PGM2: variants seen among roughly 807,000 people sequenced by gnomAD.
The protein encoded by PGM2 is phosphopentomutase.
A neutral mutation model predicts 74.6 loss-of-function variants in PGM2; 57 were observed. The ratio of observed to expected loss-of-function variants is 0.76; its 90% CI spans 0.62 to 0.95. PGM2 has a LOEUF of 0.95. Ranked by LOEUF, PGM2 falls within the 40% of genes least tolerant of loss-of-function variation. The pLI, the probability that PGM2 is intolerant of heterozygous loss-of-function variation, is 0.00. For missense variants in PGM2, 706 were observed against 741.9 expected, an observed-to-expected ratio of 0.95 and a Z score of 0.56; for synonymous variants, 273 against 260.7, an observed-to-expected ratio of 1.05 and a Z score of -0.46.
At chr4:37,844,308 G>C in intron 6 of PGM2, 56 bp from the exon 7 acceptor site, 1 of 1,207,908 alleles carries the variant, frequency 8.3e-7, no homozygotes, top group Non-Finnish European at 1.2e-6. Context: ...AAACCTTGCA[G>C]TTTTGAGAGC....
chr4:37,827,397 C>T (rs79388819), intron 1 of PGM2, among the ~76,000 whole-genome samples: 208 of 152,298 alleles, frequency 1.4e-3, no homozygotes, highest in African/African-American at 4.7e-3. Flanking sequence ...GGTTTTCTCT[C>T]TCTTCATTCC....
intron 8 of PGM2, 84 bp from the exon 9 acceptor site, chr4:37,846,846 TA>T: frequency 1.9e-6 from 2 of 1,054,774 alleles, no homozygotes; most frequent in Non-Finnish European, 2.8e-6. Context: ...CTTTGTTTGC[TA>T]AATTGTTTTA....
Position 37,834,691 on chromosome 4 carries a change from G to A in PGM2, c.323G>A (p.Arg108Gln), listed in dbSNP as rs368241584. 42 of 1,588,944 alleles carry A rather than the reference G, an allele frequency of 2.6e-5. No individual in the cohort carries two copies. The East Asian group carries it at 4.0e-4, about 15-fold the overall frequency. Residue 108 changes from arginine (R) to glutamine (Q), a missense_variant, in exon 3 of 14, where the codon CGA becomes CAA. Physicochemically the swap from Arg to Gln is conservative, Grantham distance 43. Coordinates refer to ENST00000381967, the MANE Select transcript of PGM2 (RefSeq NM_018290.4). ...GGCATCGTGATCAGTTTTGACGCCC[G>A]AGCTCATCCATCCAGTGGGGGTAGC... ...QKGIVISFDA[R>Q]AHPSSGGSSR... is the part of the protein sequence containing the mutation.
intron 12 of PGM2, among the ~76,000 whole-genome samples, chr4:37,850,679 C>CA (rs1449592500): frequency 6.6e-6 from 1 of 151,350 alleles, no homozygotes. Context: ...AGTTAAAAAC[C>CA]GCAGGCTAGA....
intron 6 of PGM2, among the ~76,000 whole-genome samples, chr4:37,842,317 T>G (rs1725751874): frequency 6.6e-6 from 1 of 151,548 alleles, no homozygotes; most frequent in African/African-American, 2.4e-5. Context: ...TTTTATAGCT[T>G]CTGGGTTTTA....
At chr4:37,829,863 T>C (rs28517621) in intron 1 of PGM2, 101 bp from the exon 2 acceptor site, 73 of 334,660 alleles carry the variant, frequency 2.2e-4, no homozygotes, top group South Asian at 4.1e-4. Flanking sequence ...TATATATACA[T>C]ATATATATAT....
Position 37,845,627 on chromosome 4 carries a change from C to T in PGM2, c.910-6C>T. Reference sequence around the variant, plus strand: ...AATAATCTTTTATTTTCATATTCTTCTTCAGACTTTGTCTTTTGCTTTGGC... The same window carrying T: ...AATAATCTTTTATTTTCATATTCTTTTTCAGACTTTGTCTTTTGCTTTGGC... On this transcript the variant is annotated splice_polypyrimidine_tract_variant and splice_region_variant and intron_variant, in intron 7 of 13. Coordinates refer to ENST00000381967, the MANE Select transcript of PGM2 (RefSeq NM_018290.4). The T allele has an allele frequency of 6.3e-7, 1 of 1,580,320 alleles. No homozygotes were observed. The highest frequency in any genetic ancestry group is 8.7e-7 in the Non-Finnish European group (1 of 1,149,366).
rs1413504949 is a variant in PGM2, at chr4:37,844,544, A to T, written c.900A>T (p.Lys300Asn). 13 of 1,605,092 alleles carry T rather than the reference A, an allele frequency of 8.1e-6. No homozygotes were observed. The highest frequency in any genetic ancestry group is 1.1e-5 in the Non-Finnish European group (13 of 1,174,948). Reference protein sequence around the residue: ...TVKYPNPEEGKGVLTLSFALA... With the variant: ...TVKYPNPEEGNGVLTLSFALA... ...AATACCCGAATCCCGAAGAGGGGAA[A>T]GGTGTCTTGGTAACCTAATTTTTTT... The change falls in exon 7 of 14, where the codon AAA becomes AAT. Residue 300 changes from lysine (K) to asparagine (N), a missense_variant. Around this residue, in one of 3 missense-constraint regions of PGM2, gnomAD observed 359 missense variants for 371.1 expected, o/e 0.97. Transcript: ENST00000381967.
Position 37,834,707 on chromosome 4 carries a change from T to TG in PGM2, c.344dup (p.Ser116Ter). ...TTGACGCCCGAGCTCATCCATCCAG[T>TG]GGGGGTAGCAGCAGAAGGTATTTAA... is the stretch of plus-strand genomic sequence containing the variant. On this transcript the variant is annotated frameshift_variant, in exon 3 of 14. Coordinates refer to ENST00000381967, the MANE Select transcript of PGM2 (RefSeq NM_018290.4). LOFTEE classifies it high-confidence loss of function. 4 of 1,506,716 alleles carry TG rather than the reference T, an allele frequency of 2.7e-6. No individual in the cohort carries two copies. Among genetic ancestry groups the TG allele is most frequent in the Non-Finnish European group, 2.8e-6 (3 of 1,086,694 alleles). The allele number at this position is 1,506,716 out of a possible 1,614,324, so 93.3% of individuals were successfully genotyped here.
At chr4:37,843,633 G>A (rs1204071435) in intron 6 of PGM2, among the ~76,000 whole-genome samples, 12 of 150,846 alleles carry the variant, frequency 8.0e-5, no homozygotes, top group Non-Finnish European at 1.3e-4. Context: ...TCCTGAGACG[G>A]AGTTTCGCTC....
At chr4:37,843,437 TAA>T (rs1303803705) in intron 6 of PGM2, among the ~76,000 whole-genome samples, 1 of 152,144 alleles carries the variant, frequency 6.6e-6, no homozygotes, top group Non-Finnish European at 1.5e-5. Flanking sequence ...GATAATAACC[TAA>T]GATTCCAGCC....
intron 1 of PGM2, 71 bp downstream of exon 1, chr4:37,826,884 T>A: frequency 1.0e-6 from 1 of 963,682 alleles, no homozygotes; most frequent in Non-Finnish European, 1.6e-6. Context: ...GGCGCGGCGC[T>A]GCTTGCTCTG....
At chr4:37,857,261 C>T (rs1560422127) in intron 13 of PGM2, among the ~76,000 whole-genome samples, 1 of 152,142 alleles carries the variant, frequency 6.6e-6, no homozygotes. Context: ...CTGTAGTAAA[C>T]AGCACCCATC....
At chr4:37,851,365 G>A (rs1726034626) in intron 12 of PGM2, among the ~76,000 whole-genome samples, 1 of 152,252 alleles carries the variant, frequency 6.6e-6, no homozygotes, top group East Asian at 1.9e-4. Context: ...AGTGTACTCT[G>A]TTCTCTGAGT....
At chr4:37,860,516 A>G (rs1711737423) in intron 13 of PGM2, among the ~76,000 whole-genome samples, 1 of 152,228 alleles carries the variant, frequency 6.6e-6, no homozygotes, top group Admixed American at 6.6e-5. Flanking sequence ...CAGAGCTAGT[A>G]AGTATAGAGC....
chr4:37,839,916 G>C lies in PGM2; in HGVS notation c.510G>C (p.Gln170His). 1 of 1,597,396 alleles carries C rather than the reference G, an allele frequency of 6.3e-7. No homozygotes were observed. Among genetic ancestry groups the C allele is most frequent in the Non-Finnish European group, 8.6e-7 (1 of 1,164,954 alleles). ...TAACTGCATCTCACAATCCAAAGCA[G>C]GATAATGGTTATAAGGTATTTTCCT... is the stretch of plus-strand genomic sequence containing the variant. Reference protein sequence around the residue: ...IMITASHNPKQDNGYKVYWDN... With the variant: ...IMITASHNPKHDNGYKVYWDN... Residue 170 changes from glutamine to histidine, a missense_variant, in exon 5 of 14, where the codon CAG (glutamine) becomes CAC (histidine). By Grantham distance (24) the Gln-to-His change is conservative (BLOSUM62 0). Coordinates refer to ENST00000381967, the MANE Select transcript of PGM2 (RefSeq NM_018290.4).
intron 2 of PGM2, among the ~76,000 whole-genome samples, chr4:37,833,810 T>C (rs1013634060): frequency 2.6e-5 from 4 of 152,192 alleles, no homozygotes; most frequent in Non-Finnish European, 5.9e-5. Context: ...ATTATTGTTA[T>C]TCCTGTTTTA....
chr4:37,828,268 G>A (rs1157319337), intron 1 of PGM2, among the ~76,000 whole-genome samples: 2 of 151,906 alleles, frequency 1.3e-5, no homozygotes, highest in African/African-American at 4.8e-5. Context: ...CTAAGAAGAA[G>A]AAGAAAACAA....
Position 37,846,961 on chromosome 4 carries a change from G to A in PGM2, c.1038G>A (p.Glu346=), listed in dbSNP as rs756309156. ...SGEWRVFSGN[E]LGALLGWWLF... ...AATGGAGGGTGTTTTCAGGCAATGA[G>A]TTGGGGGCCCTCCTGGGCTGGTGGC... is the stretch of plus-strand genomic sequence containing the variant. The change falls in exon 9 of 14, where the codon GAG becomes GAA. Residue 346 remains glutamate (E), a synonymous_variant. Coordinates refer to ENST00000381967, the MANE Select transcript of PGM2 (RefSeq NM_018290.4). 1.2e-6 allele frequency: 2 copies of A among 1,613,632 alleles called. No homozygotes were observed. The highest frequency in any genetic ancestry group is 1.7e-6 in the Non-Finnish European group (2 of 1,179,818).
Sources: gnomAD v4.1 joint callset for allele counts (sites outside exome capture counted in the v4.1 genomes callset) on GRCh38, gnomAD v4.1.1 for gene constraint, gnomAD v4.1.1 regional missense constraint, MANE v1.5 for transcripts, NCBI Gene and HGNC (gene_info 2026-07-23, HGNC 2026-07-21) for gene names.